DLG2: variants seen among roughly 807,000 people sequenced by gnomAD.
DLG2 encodes discs large MAGUK scaffold protein 2, also known as disks large homolog 2.
In DLG2, 45 loss-of-function variants were observed where a neutral mutation model predicts 132.5. That is an observed-to-expected ratio of 0.34 (90% CI 0.27 to 0.44). DLG2 has a LOEUF of 0.44. Among genes scored for constraint, DLG2 ranks in the 20% least tolerant of loss-of-function variants. The probability of loss-of-function intolerance (pLI) is 1.00; values close to 1 mark genes in which losing one functional copy is unlikely to be tolerated. For missense variants in DLG2, 1,045 were observed against 1,196.9 expected (o/e 0.87, Z 1.87); for synonymous variants, 424 against 419.6 (o/e 1.01, Z -0.13).
At chr11:84,911,084 T>C (rs1459244356) in intron 6 of DLG2, among the ~76,000 whole-genome samples, 1 of 152,158 alleles carries the variant, frequency 6.6e-6, no homozygotes, top group Non-Finnish European at 1.5e-5. Flanking sequence ...TAATTATTAA[T>C]ATTTTTATAA....
intron 3 of DLG2, among the ~76,000 whole-genome samples, chr11:85,345,622 T>C (rs2082780523): frequency 6.6e-6 from 1 of 152,088 alleles, no homozygotes; most frequent in South Asian, 2.1e-4. Flanking sequence ...GCTGCATGGC[T>C]GCAAGACCTT....
At chr11:84,214,362 TACAA>T (rs2096806307) in intron 8 of DLG2, among the ~76,000 whole-genome samples, 1 of 150,118 alleles carries the variant, frequency 6.7e-6, no homozygotes, top group South Asian at 2.1e-4. Context: ...TATGTTTATA[TACAA>T]ACATACATAT....
intron 3 of DLG2, among the ~76,000 whole-genome samples, chr11:85,357,130 CAGG>C (rs2083762564): frequency 6.6e-6 from 1 of 151,952 alleles, no homozygotes; most frequent in African/African-American, 2.4e-5. Flanking sequence ...AAGGTGAGGA[CAGG>C]AGGAGAAGCA....
chr11:84,390,289 T>A lies in DLG2; in HGVS notation c.520-138998A>T, dbSNP rs183155360. Among the ~76,000 whole-genome samples the A allele has an allele frequency of 7.7e-4, 118 of 152,304 alleles. 1 individual carries two copies. The East Asian group carries it at 8.1e-3, about 10-fold the overall frequency. On this transcript the variant is annotated intron_variant, in intron 7 of 27. Coordinates refer to ENST00000376104, the MANE Select transcript of DLG2 (RefSeq NM_001142699.3). ...GAGTTCCCCTGATAATAGAGTCCACTGGTAATTATTTATTAAATGTCAACT... is the reference window on the plus strand; with the variant it reads ...GAGTTCCCCTGATAATAGAGTCCACAGGTAATTATTTATTAAATGTCAACT...
intron 6 of DLG2, among the ~76,000 whole-genome samples, chr11:85,053,796 C>CA (rs34604489): frequency 0.1 from 4,623 of 44,316 alleles, 330 homozygotes; most frequent in Admixed American, 0.13. Flanking sequence ...GACTCTGTCT[C>CA]AAAAAAAAAA....
intron 6 of DLG2, among the ~76,000 whole-genome samples, chr11:84,697,859 C>G (rs957985746): frequency 6.6e-6 from 1 of 151,320 alleles, no homozygotes; most frequent in East Asian, 1.9e-4. Context: ...TATGTTACAG[C>G]TAGATGGACC....
rs114961528 is a variant in DLG2, at chr11:83,663,836, C to T, written c.1826-30511G>A. 9.1e-3 allele frequency among the ~76,000 whole-genome samples: 1,381 copies of T among 152,192 alleles called. 21 individuals are homozygous for T. Among genetic ancestry groups the T allele is most frequent in the African/African-American group, 0.03 (1,259 of 41,502 alleles). ...TCAGTTGTCAAGGGCATTGTAATTC[C>T]GAGGCAGATAGAAATAAGAATCCAT... On this transcript the variant is annotated intron_variant, in intron 18 of 27. Coordinates refer to ENST00000376104, the MANE Select transcript of DLG2 (RefSeq NM_001142699.3).
At chr11:83,518,925 G>C (rs2095390615) in intron 21 of DLG2, among the ~76,000 whole-genome samples, 1 of 152,210 alleles carries the variant, frequency 6.6e-6, no homozygotes, top group Admixed American at 6.5e-5. Context: ...GGGCTGGACT[G>C]AGGGGCTGCT....
chr11:85,381,773 TTAA>T (rs1257735348), intron 3 of DLG2, among the ~76,000 whole-genome samples: 1 of 151,964 alleles, frequency 6.6e-6, no homozygotes, highest in African/African-American at 2.4e-5. Context: ...TTTTAAATTA[TTAA>T]TAAGTTTAAC....
intron 12 of DLG2, among the ~76,000 whole-genome samples, chr11:83,977,627 GT>G (rs2092390402): frequency 1.3e-5 from 2 of 152,066 alleles, no homozygotes. Flanking sequence ...TCTAACCTTT[GT>G]CCGCCTTTCT....
chr11:84,890,268 A>G (rs147816339), intron 6 of DLG2, among the ~76,000 whole-genome samples: 32 of 152,266 alleles, frequency 2.1e-4, no homozygotes, highest in Admixed American at 5.2e-4. Context: ...TAAGCGTTCA[A>G]TAACTGTTAG....
At chr11:85,565,093 C>T (rs2077457835) in intron 3 of DLG2, among the ~76,000 whole-genome samples, 1 of 152,004 alleles carries the variant, frequency 6.6e-6, no homozygotes, top group African/African-American at 2.4e-5. Context: ...TGTTTCTAAA[C>T]TCACAAGTTT....
At chr11:85,023,268 G>A (rs596423) in intron 6 of DLG2, among the ~76,000 whole-genome samples, 22,151 of 151,972 alleles carry the variant, frequency 0.15, 1,729 homozygotes, top group South Asian at 0.27. Flanking sequence ...ATGTCCTTAG[G>A]CTTTTTCTTA....
At chr11:84,430,178 C>T (rs1270739591) in intron 7 of DLG2, among the ~76,000 whole-genome samples, 1 of 152,078 alleles carries the variant, frequency 6.6e-6, no homozygotes, top group East Asian at 1.9e-4. Context: ...TGGTTCACAC[C>T]TGTAATCCCA....
rs547740520 is a variant in DLG2 at position 84,284,263 on chromosome 11, AT to A, written c.520-32973del. 1.2e-4 allele frequency among the ~76,000 whole-genome samples: 19 copies of A among 152,184 alleles called. 1 individual carries two copies. The East Asian group carries it at 3.7e-3, about 29-fold the overall frequency. On this transcript the variant is annotated intron_variant, in intron 7 of 27. Transcript: ENST00000376104. ...AAAAATCAAACCTGGCATCTGACCC[AT>A]TTTTTCCTATTTGAGAGAGTGATAC...
At chr11:85,609,111 A>G (rs758250356) in intron 2 of DLG2, among the ~76,000 whole-genome samples, 110 of 152,320 alleles carry the variant, frequency 7.2e-4, no homozygotes, top group Admixed American at 1.8e-3. Flanking sequence ...GAATTAGGAA[A>G]AAGCCCATGA....
chr11:84,222,251 C>G (rs1374670571), intron 8 of DLG2, among the ~76,000 whole-genome samples: 1 of 152,066 alleles, frequency 6.6e-6, no homozygotes, highest in Non-Finnish European at 1.5e-5. Context: ...AGTCTGATCT[C>G]GAACTCCTGT....
chr11:83,867,688 GGTTT>G (rs1483010875), intron 16 of DLG2, among the ~76,000 whole-genome samples: 1 of 152,106 alleles, frequency 6.6e-6, no homozygotes, highest in African/African-American at 2.4e-5. Context: ...AAGAATCAAT[GGTTT>G]GTTTATGTAT....
chr11:85,506,910 G>T (rs1161542649), intron 3 of DLG2, among the ~76,000 whole-genome samples: 1 of 152,162 alleles, frequency 6.6e-6, no homozygotes, highest in East Asian at 1.9e-4. Flanking sequence ...CCTGTATTGG[G>T]TGCATATATA....
Sources: gnomAD v4.1 joint callset for allele counts (sites outside exome capture counted in the v4.1 genomes callset) on GRCh38, gnomAD v4.1.1 for gene constraint, MANE v1.5 for transcripts, NCBI Gene and HGNC (gene_info 2026-07-23, HGNC 2026-07-21) for gene names.